Variants in SCNN1A observed in about 807,000 individuals in gnomAD.
The protein encoded by SCNN1A is sodium channel epithelial 1 subunit alpha.
SCNN1A carries 65 observed loss-of-function variants against 68.6 expected under a neutral mutation model. The ratio of observed to expected loss-of-function variants is 0.95; its 90% CI spans 0.78 to 1.16. SCNN1A has a LOEUF of 1.16. Ranked by LOEUF, SCNN1A falls within the 50% of genes most tolerant of loss-of-function variation. The pLI is 0.00. For synonymous variants in SCNN1A, 357 were observed against 353.3 expected, an observed-to-expected ratio of 1.01 and a Z score of -0.12; for missense variants, 880 against 865.9, an observed-to-expected ratio of 1.02 and a Z score of -0.20.
chr12:6,356,096 C>T (rs1027544174), intron 4 of SCNN1A: 8 of 607,694 alleles, frequency 1.3e-5, no homozygotes, highest in Admixed American at 4.8e-5. Context: ...CTGTGAGAGT[C>T]TCATCCTCAT....
At chr12:6,370,693 C>T (rs914950387) in intron 2 of SCNN1A, among the ~76,000 whole-genome samples, 4 of 152,196 alleles carry the variant, frequency 2.6e-5, no homozygotes, top group African/African-American at 4.8e-5. Flanking sequence ...AGGGTCTGCC[C>T]GCCACGTCTG....
intron 8 of SCNN1A, among the ~76,000 whole-genome samples, chr12:6,353,256 A>G (rs1308136200): frequency 6.6e-6 from 1 of 152,214 alleles, no homozygotes; most frequent in Non-Finnish European, 1.5e-5. Context: ...AAACAGGTCC[A>G]ATACATGTAT....
intron 2 of SCNN1A, among the ~76,000 whole-genome samples, chr12:6,369,440 C>G (rs1019174545): frequency 6.6e-6 from 1 of 152,148 alleles, no homozygotes; most frequent in Admixed American, 6.5e-5. Context: ...TGATCCCACA[C>G]ACACAAACCT....
Position 6,362,050 on chromosome 12 carries a change from C to A in SCNN1A, c.875+1G>T. On this transcript the variant is annotated splice_donor_variant, in intron 4 of 12. Transcript: ENST00000228916. LOFTEE classifies it high-confidence loss of function. ...CAAGGAGCCAGGCAGGACTGACTCA[C>A]GCCTGGTTGCAGGAGACCTGGTTGA... 2.5e-6 allele frequency: 4 copies of A among 1,614,062 alleles called. No homozygotes were observed. The highest frequency in any genetic ancestry group is 3.4e-6 in the Non-Finnish European group (4 of 1,179,948).
chr12:6,353,516 G>C (rs182195643), intron 8 of SCNN1A, among the ~76,000 whole-genome samples: 187 of 152,188 alleles, frequency 1.2e-3, no homozygotes, highest in African/African-American at 3.5e-3. Context: ...TTGAGGAACC[G>C]CTGGAGGTTT....
intron 4 of SCNN1A, 123 bp downstream of exon 4, chr12:6,361,928 C>A: frequency 9.1e-7 from 1 of 1,096,036 alleles, no homozygotes; most frequent in South Asian, 1.3e-5. Context: ...TTCCCCCTGG[C>A]CTGCTGGCAC....
chr12:6,348,194 C>T lies in SCNN1A; in HGVS notation c.1689G>A (p.Val563=). The part of the protein sequence containing the change: ...SQWSLWFGSS[V]LSVVEMAELV... ...GCTCAGCCATCTCCACCACAGACAA[C>T]ACCGAGGAGCCGAACCACAGGCTCC... The change falls in exon 13 of 13, where the codon GTG becomes GTA. Residue 563 remains valine (V), a synonymous_variant. Transcript: ENST00000228916. 1.2e-6 allele frequency: 2 copies of T among 1,614,166 alleles called. No individual in the cohort carries two copies. Among genetic ancestry groups the T allele is most frequent in the African/African-American group, 2.7e-5 (2 of 75,030 alleles).
chr12:6,355,192 C>CT, intron 6 of SCNN1A, 80 bp downstream of exon 6: 1 of 1,496,288 alleles, frequency 6.7e-7, no homozygotes, highest in African/African-American at 1.4e-5. Flanking sequence ...CATGCTCTCC[C>CT]TCTCCAGCCT....
chr12:6,358,271 A>G (rs1948529427), intron 4 of SCNN1A, among the ~76,000 whole-genome samples: 1 of 152,208 alleles, frequency 6.6e-6, no homozygotes, highest in African/African-American at 2.4e-5. Flanking sequence ...CTAAAGTCAA[A>G]AAGACAGACA....
At chr12:6,371,716 G>A (rs908849847) in intron 2 of SCNN1A, among the ~76,000 whole-genome samples, 8 of 152,258 alleles carry the variant, frequency 5.3e-5, no homozygotes, top group African/African-American at 1.9e-4. Flanking sequence ...AAGGTGTGTT[G>A]TGAGAATTAA....
rs1353230348 is a variant in SCNN1A at position 6,374,858 on chromosome 12, A to G, written c.-54-21T>C. On this transcript the variant is annotated intron_variant, in intron 1 of 12. Coordinates refer to ENST00000228916, the MANE Select transcript of SCNN1A (RefSeq NM_001038.6). The surrounding 1 kb of genome is among the most constrained non-coding windows in gnomAD (Gnocchi z 6.2). Reference sequence around the variant, plus strand: ...TTCCCCTTCATGAGCCCCGGAGTGGATTGGGGAGAGCAAGGGTCAGGGTCA... The same window carrying G: ...TTCCCCTTCATGAGCCCCGGAGTGGGTTGGGGAGAGCAAGGGTCAGGGTCA... 3.1e-6 allele frequency: 5 copies of G among 1,613,870 alleles called. No homozygotes were observed. The African/African-American group carries it at 4.0e-5, about 13-fold the overall frequency.
chr12:6,375,446 G>A, intron 1 of SCNN1A, 59 bp downstream of exon 1: 1 of 1,535,100 alleles, frequency 6.5e-7, no homozygotes. Context: ...GGTTGCGGCT[G>A]GACTGGGACT....
chr12:6,368,214 C>G (rs1432664477), intron 2 of SCNN1A, among the ~76,000 whole-genome samples: 1 of 152,190 alleles, frequency 6.6e-6, no homozygotes, highest in Non-Finnish European at 1.5e-5. Flanking sequence ...GTGCCCCCCG[C>G]CCCCAACCAG....
At chr12:6,361,881 C>A (rs932402619) in intron 4 of SCNN1A, among the ~76,000 whole-genome samples, 170 bp downstream of exon 4, 3 of 152,272 alleles carry the variant, frequency 2.0e-5, no homozygotes, top group African/African-American at 7.2e-5. Context: ...GTTCGTAGGG[C>A]GCTCTCTGGG....
chr12:6,353,804 T>G (rs1310138501), intron 8 of SCNN1A: 1 of 138,842 alleles, frequency 7.2e-6, no homozygotes, highest in Non-Finnish European at 1.5e-5. Flanking sequence ...TTAGCCAGGA[T>G]GGTCTCCATC....
Position 6,374,388 on chromosome 12 carries a change from G to A in SCNN1A, c.396C>T (p.Ile132=), listed in dbSNP as rs971024704. ...CCGACCTGTAGGGATTGAGGGTGCA[G>A]ATGGTCACTGCGGGGAAGACGAGCT... ...SDKLVFPAVT[I]CTLNPYRYPE... Residue 132 remains isoleucine (I), a synonymous_variant, in exon 2 of 13, where the codon ATC becomes ATT. Transcript: ENST00000228916. The surrounding 1 kb of genome is among the most constrained non-coding windows in gnomAD (Gnocchi z 6.2). 9.3e-6 allele frequency: 15 copies of A among 1,614,260 alleles called. No homozygotes were observed. Among genetic ancestry groups the A allele is most frequent in the African/African-American group, 1.3e-5 (1 of 75,062 alleles).
intron 8 of SCNN1A, chr12:6,353,683 G>GA (rs1565477793): frequency 3.2e-5 from 2 of 62,212 alleles, no homozygotes; most frequent in Non-Finnish European, 5.4e-5. Context: ...TCCGCCTCCC[G>GA]GGTCCACACC....
intron 4 of SCNN1A, among the ~76,000 whole-genome samples, chr12:6,357,465 T>G (rs1441272246): frequency 6.6e-6 from 1 of 150,946 alleles, no homozygotes; most frequent in Non-Finnish European, 1.5e-5. Flanking sequence ...TCTCAGCTAG[T>G]CGGGAGGCTG....
chr12:6,356,062 C>A, intron 4 of SCNN1A, 182 bp from the exon 5 acceptor site: 1 of 652,372 alleles, frequency 1.5e-6, no homozygotes, highest in Admixed American at 2.1e-5. Context: ...TACTCACACT[C>A]CCTCAGTCAC....
Sources: allele counts gnomAD v4.1 joint callset (sites outside exome capture counted in the v4.1 genomes callset), GRCh38; gene constraint gnomAD v4.1.1; non-coding constraint Gnocchi (gnomAD v3.1); transcripts MANE v1.5; gene names NCBI Gene and HGNC (gene_info 2026-07-23, HGNC 2026-07-21).